GRIK1: variants seen among roughly 807,000 people sequenced by gnomAD.
GRIK1 encodes the protein glutamate receptor ionotropic, kainate 1.
A neutral mutation model predicts 105.7 loss-of-function variants in GRIK1; 69 were observed. The ratio of observed to expected loss-of-function variants is 0.65; its 90% CI spans 0.54 to 0.80. The LOEUF is 0.80. GRIK1 is among the 30% of genes least tolerant of loss of function. GRIK1 has a pLI of 0.00. For synonymous variants in GRIK1, 438 were observed against 431.3 expected (o/e 1.02, Z -0.19); for missense variants, 1,109 against 1,167.3 (o/e 0.95, Z 0.73).
In GRIK1 at chr21:29,553,705, C is replaced by A. The variant is rs769721429; in HGVS notation, c.2607+1347G>T. On this transcript the variant is annotated intron_variant, in intron 16 of 17. Transcript: ENST00000327783. ...GCAGTCCATAAAAGAAACAAAAAGCCTTGCATGCAAAAGAAATGAGAAAAA... is the reference window on the plus strand; with the variant it reads ...GCAGTCCATAAAAGAAACAAAAAGCATTGCATGCAAAAGAAATGAGAAAAA... 5.2e-6 allele frequency: 8 copies of A among 1,543,484 alleles called. No individual in the cohort carries two copies. In the African/African-American group the frequency reaches 5.6e-5, roughly 11 times the overall value.
At chr21:29,887,341 G>A (rs889468330) in intron 1 of GRIK1, among the ~76,000 whole-genome samples, 16 of 152,076 alleles carry the variant, frequency 1.1e-4, no homozygotes, top group African/African-American at 3.9e-4. Flanking sequence ...TAACAATCCA[G>A]GTCAAGTCAA....
chr21:29,865,592 G>A (rs1260037786), intron 1 of GRIK1, among the ~76,000 whole-genome samples: 1 of 152,174 alleles, frequency 6.6e-6, no homozygotes, highest in African/African-American at 2.4e-5. Context: ...CAAACACTGG[G>A]AACCTCAAAC....
Position 29,602,524 on chromosome 21 carries a change from G to A in GRIK1, c.1099-3587C>T, listed in dbSNP as rs1293800886. Reference sequence around the variant, plus strand: ...AGGTTTGAGGATAAAGATTTGCATAGAATATTGAGGAGAGAAGTATGGAGA... The same window carrying A: ...AGGTTTGAGGATAAAGATTTGCATAAAATATTGAGGAGAGAAGTATGGAGA... On this transcript the variant is annotated intron_variant, in intron 7 of 17. Transcript: ENST00000327783. Among the ~76,000 whole-genome samples, 3 of 152,180 alleles carry A rather than the reference G, an allele frequency of 2.0e-5. No individual in the cohort carries two copies. In the East Asian group the frequency reaches 5.8e-4, roughly 29 times the overall value.
intron 4 of GRIK1, among the ~76,000 whole-genome samples, chr21:29,656,327 C>G (rs1487997734): frequency 1.2e-4 from 16 of 129,322 alleles, no homozygotes; most frequent in Admixed American, 8.4e-4. Context: ...CGCCACTGCA[C>G]TCCAGCCTGG....
Position 29,742,763 on chromosome 21 carries a change from G to A in GRIK1, c.119-48700C>T, listed in dbSNP as rs577312381. Among the ~76,000 whole-genome samples, 9 of 152,312 alleles carry A rather than the reference G, an allele frequency of 5.9e-5. No homozygotes were observed. In the South Asian group the frequency reaches 1.7e-3, roughly 28 times the overall value. ...TGGTTTCATGTTTTGCACATTTGGA[G>A]TGTATTTTATGAACATAGTGAATCT... On this transcript the variant is annotated intron_variant, in intron 1 of 17. Transcript: ENST00000327783.
chr21:29,695,458 ATC>A (rs1220473841), intron 1 of GRIK1, among the ~76,000 whole-genome samples: 90 of 144,716 alleles, frequency 6.2e-4, no homozygotes, highest in Non-Finnish European at 1.1e-3. Flanking sequence ...CTATCTATCT[ATC>A]TATCTATCTA....
At chr21:29,717,790 T>C (rs1199541119) in intron 1 of GRIK1, among the ~76,000 whole-genome samples, 1 of 152,206 alleles carries the variant, frequency 6.6e-6, no homozygotes, top group African/African-American at 2.4e-5. Flanking sequence ...TGGAAAGGCA[T>C]GATCATGTTT....
intron 1 of GRIK1, among the ~76,000 whole-genome samples, chr21:29,927,231 T>C (rs2071400592): frequency 6.6e-6 from 1 of 151,996 alleles, no homozygotes; most frequent in Admixed American, 6.6e-5. Context: ...AATTGGAATC[T>C]TATTATATAA....
At chr21:29,751,606 G>T (rs2065203508) in intron 1 of GRIK1, among the ~76,000 whole-genome samples, 1 of 152,162 alleles carries the variant, frequency 6.6e-6, no homozygotes, top group Admixed American at 6.5e-5. Context: ...GCAATTGCAT[G>T]CTCCATAAGT....
intron 16 of GRIK1, among the ~76,000 whole-genome samples, chr21:29,539,017 T>C (rs2089927890): frequency 6.6e-6 from 1 of 151,132 alleles, no homozygotes; most frequent in Non-Finnish European, 1.5e-5. Context: ...TAAGCATAAG[T>C]GTTTATAGGA....
intron 1 of GRIK1, among the ~76,000 whole-genome samples, chr21:29,859,488 T>A (rs2068572127): frequency 6.6e-6 from 1 of 152,226 alleles, no homozygotes; most frequent in African/African-American, 2.4e-5. Flanking sequence ...CACTGCCCTC[T>A]CTTCTAGCCT....
At chr21:29,910,866 G>A (rs1230602389) in intron 1 of GRIK1, among the ~76,000 whole-genome samples, 1 of 152,008 alleles carries the variant, frequency 6.6e-6, no homozygotes, top group Non-Finnish European at 1.5e-5. Flanking sequence ...CATGATTAAA[G>A]AAGACAATTG....
chr21:29,564,007 C>T (rs1248082648), intron 14 of GRIK1, among the ~76,000 whole-genome samples: 3 of 152,152 alleles, frequency 2.0e-5, no homozygotes, highest in Non-Finnish European at 4.4e-5. Flanking sequence ...ATTTGATCTA[C>T]ATGTGAAAAT....
At chr21:29,750,326 A>G (rs2065159055) in intron 1 of GRIK1, among the ~76,000 whole-genome samples, 1 of 141,070 alleles carries the variant, frequency 7.1e-6, no homozygotes, top group South Asian at 2.2e-4. Flanking sequence ...CCTACTCTAC[A>G]TTTGCCAACT....
chr21:29,553,654 GT>G, intron 16 of GRIK1: 1 of 1,609,100 alleles, frequency 6.2e-7, no homozygotes, highest in Non-Finnish European at 8.5e-7. Context: ...CAGAAGTGGA[GT>G]TGGTTGGATG....
At chr21:29,577,733 T>C (rs2090929134) in intron 13 of GRIK1, among the ~76,000 whole-genome samples, 1 of 152,364 alleles carries the variant, frequency 6.6e-6, no homozygotes, top group East Asian at 1.9e-4. Flanking sequence ...TATTGTCTTA[T>C]GTTACCTTAA....
chr21:29,767,210 A>G (rs2065688902), intron 1 of GRIK1, among the ~76,000 whole-genome samples: 1 of 152,240 alleles, frequency 6.6e-6, no homozygotes. Flanking sequence ...ATCAGGGGAA[A>G]TGGTCAAATA....
At chr21:29,806,118 A>G (rs2066857805) in intron 1 of GRIK1, among the ~76,000 whole-genome samples, 1 of 152,190 alleles carries the variant, frequency 6.6e-6, no homozygotes, top group Non-Finnish European at 1.5e-5. Context: ...TTATTTTATA[A>G]GGTATCCCAC....
intron 1 of GRIK1, among the ~76,000 whole-genome samples, chr21:29,840,071 G>A (rs2067933864): frequency 6.6e-6 from 1 of 152,128 alleles, no homozygotes; most frequent in Admixed American, 6.6e-5. Context: ...ACTTCCAGAT[G>A]GTGTGGAGTG....
Sources: gnomAD v4.1 joint callset for allele counts (sites outside exome capture counted in the v4.1 genomes callset) on GRCh38, gnomAD v4.1.1 for gene constraint, MANE v1.5 for transcripts, NCBI Gene and HGNC (gene_info 2026-07-23, HGNC 2026-07-21) for gene names.